Variants in TSHZ2 observed in about 807,000 individuals in gnomAD.
TSHZ2 encodes teashirt homolog 2.
TSHZ2 carries 21 observed loss-of-function variants against 74.4 expected under a neutral mutation model. The observed-to-expected ratio is 0.28, with a 90% CI of 0.20 to 0.41. The LOEUF (loss-of-function observed/expected upper bound fraction) is 0.41. Ranked by LOEUF, TSHZ2 falls within the 10% of genes least tolerant of loss-of-function variation. TSHZ2 has a pLI of 1.00. For missense variants in TSHZ2, 1,244 were observed against 1,293.5 expected (o/e 0.96, Z 0.59); for synonymous variants, 540 against 515.3 (o/e 1.05, Z -0.65).
chr20:53,194,110 C>T (rs1988803554), intron 1 of TSHZ2, among the ~76,000 whole-genome samples: 1 of 152,182 alleles, frequency 6.6e-6, no homozygotes, highest in Non-Finnish European at 1.5e-5. Flanking sequence ...TGATGTCCAT[C>T]ATCTCTAGTG....
At chr20:53,478,944 C>T (rs904857701) in intron 2 of TSHZ2, among the ~76,000 whole-genome samples, 1 of 152,050 alleles carries the variant, frequency 6.6e-6, no homozygotes, top group Non-Finnish European at 1.5e-5. Context: ...GTGGGTGGAT[C>T]ACTTCGGATC....
chr20:53,378,139 A>G (rs1981727823), intron 2 of TSHZ2, among the ~76,000 whole-genome samples: 1 of 152,148 alleles, frequency 6.6e-6, no homozygotes, highest in South Asian at 2.1e-4. Context: ...CAGGAGTTCA[A>G]TACCAGCCTG....
At chr20:53,012,325 C>T (rs6022207) in intron 1 of TSHZ2, among the ~76,000 whole-genome samples, 16,886 of 152,142 alleles carry the variant, frequency 0.11, 1,159 homozygotes, top group African/African-American at 0.2. Context: ...TCGGCCTTCT[C>T]TGGTCCCTTA....
At chr20:52,976,676 G>A (rs974967765) in intron 1 of TSHZ2, among the ~76,000 whole-genome samples, 9 of 152,164 alleles carry the variant, frequency 5.9e-5, no homozygotes, top group Non-Finnish European at 1.0e-4. Flanking sequence ...CTCTGTGCGC[G>A]CACATAAATA....
chr20:53,254,458 G>T lies in TSHZ2; in HGVS notation c.1000G>T (p.Asp334Tyr), dbSNP rs376802086. The change falls in exon 2 of 3, where the codon GAT becomes TAT. Residue 334 changes from aspartate to tyrosine, a missense_variant. Coordinates refer to ENST00000371497, the MANE Select transcript of TSHZ2 (RefSeq NM_173485.6). ...VFDVNRPCSP[D>Y]STTGSFADSF... ...TGATGTCAATCGGCCGTGTTCCCCC[G>T]ATTCAACCACAGGATCTTTTGCAGA... The T allele has an allele frequency of 1.2e-6, 2 of 1,613,792 alleles. No homozygotes were observed. Among genetic ancestry groups the T allele is most frequent in the Admixed American group, 1.7e-5 (1 of 60,022 alleles).
At chr20:53,189,474 G>A (rs1363383369) in intron 1 of TSHZ2, among the ~76,000 whole-genome samples, 1 of 152,072 alleles carries the variant, frequency 6.6e-6, no homozygotes, top group African/African-American at 2.4e-5. Context: ...CATTAATAAT[G>A]GTACCTCACA....
At chr20:53,439,161 A>G (rs908390138) in intron 2 of TSHZ2, among the ~76,000 whole-genome samples, 3 of 152,156 alleles carry the variant, frequency 2.0e-5, no homozygotes, top group African/African-American at 7.2e-5. Flanking sequence ...GACTTTGCAC[A>G]TGTCTTCCTC....
At chr20:52,980,469 T>C (rs1465514633) in intron 1 of TSHZ2, among the ~76,000 whole-genome samples, 8 of 152,018 alleles carry the variant, frequency 5.3e-5, no homozygotes, top group Non-Finnish European at 1.2e-4. Context: ...TCTGTTAGTA[T>C]AAAAATTAAG....
rs201918886 is a variant in TSHZ2, at chr20:53,140,766, T to C, written c.41-112733T>C. On this transcript the variant is annotated intron_variant, in intron 1 of 2. Transcript: ENST00000371497. ...CACTCCTCAGGCTTCCCAGACCTTC[T>C]GCCGTTGGTGGTTCTGATCTGTGCA... is the stretch of plus-strand genomic sequence containing the variant. 3.9e-5 allele frequency among the ~76,000 whole-genome samples: 6 copies of C among 152,242 alleles called. No homozygotes were observed. In the East Asian group the frequency reaches 5.8e-4, roughly 15 times the overall value.
At chr20:53,214,095 A>G (rs1458550550) in intron 1 of TSHZ2, among the ~76,000 whole-genome samples, 2 of 152,244 alleles carry the variant, frequency 1.3e-5, no homozygotes, top group African/African-American at 2.4e-5. Flanking sequence ...GTAAAGTGAC[A>G]TATGGTAAGT....
intron 1 of TSHZ2, among the ~76,000 whole-genome samples, chr20:53,046,889 A>C (rs1333194236): frequency 6.6e-6 from 1 of 152,202 alleles, no homozygotes; most frequent in Non-Finnish European, 1.5e-5. Flanking sequence ...ATGAGCCCTT[A>C]ATGCATGTTA....
chr20:53,254,019 G>T lies in TSHZ2; in HGVS notation c.561G>T (p.Ser187=), dbSNP rs762900952. The T allele has an allele frequency of 6.2e-7, 1 of 1,613,978 alleles. No individual in the cohort carries two copies. The highest frequency in any genetic ancestry group is 8.5e-7 in the Non-Finnish European group (1 of 1,180,018). Residue 187 remains serine, a synonymous_variant, in exon 2 of 3, where the codon TCG becomes TCT. Coordinates refer to ENST00000371497, the MANE Select transcript of TSHZ2 (RefSeq NM_173485.6). The part of the protein sequence containing the change: ...LQQNLPSRSV[S]KPSLFSSVQL... ...AGAACTTGCCTTCTCGGTCCGTCTC[G>T]AAACCCAGCCTGTTCAGCTCGGTGC...
chr20:53,063,279 T>G (rs548679440), intron 1 of TSHZ2, among the ~76,000 whole-genome samples: 4 of 152,276 alleles, frequency 2.6e-5, no homozygotes, highest in East Asian at 3.9e-4. Context: ...CACAATAAAA[T>G]GAAGCACATT....
intron 2 of TSHZ2, among the ~76,000 whole-genome samples, chr20:53,296,036 A>C (rs1273596125): frequency 4.5e-5 from 4 of 88,054 alleles, no homozygotes; most frequent in African/African-American, 1.4e-4. Context: ...TAATGACTGC[A>C]AAAAAAAAAA....
chr20:53,031,016 A>T lies in TSHZ2; in HGVS notation c.40+57683A>T, dbSNP rs185407826. On this transcript the variant is annotated intron_variant, in intron 1 of 2. Coordinates refer to ENST00000371497, the MANE Select transcript of TSHZ2 (RefSeq NM_173485.6). ...CTGAATGTGGGCTTTATTTTTTTTAAAATTTCTTTCTATTCTAAACAACAC... is the reference window on the plus strand; with the variant it reads ...CTGAATGTGGGCTTTATTTTTTTTATAATTTCTTTCTATTCTAAACAACAC... Among the ~76,000 whole-genome samples, 1,341 of 151,866 alleles carry T rather than the reference A, an allele frequency of 8.8e-3. 15 individuals are homozygous for T. Among genetic ancestry groups the T allele is most frequent in the African/African-American group, 0.031 (1,288 of 41,420 alleles).
intron 2 of TSHZ2, among the ~76,000 whole-genome samples, chr20:53,281,682 A>T (rs2145437402): frequency 6.6e-6 from 1 of 152,288 alleles, no homozygotes; most frequent in African/African-American, 2.4e-5. Context: ...AACCTATTGA[A>T]TCCCTGGTTT....
chr20:53,070,012 G>C (rs950631906), intron 1 of TSHZ2, among the ~76,000 whole-genome samples: 1 of 152,082 alleles, frequency 6.6e-6, no homozygotes, highest in Admixed American at 6.5e-5. Context: ...GCCAGGGAGG[G>C]GAGAAGGGAA....
intron 1 of TSHZ2, among the ~76,000 whole-genome samples, chr20:53,027,273 T>G (rs905073226): frequency 3.3e-5 from 5 of 152,230 alleles, no homozygotes; most frequent in Non-Finnish European, 7.3e-5. Context: ...TACATGCATA[T>G]GTACAGTTCA....
rs554331293 is a variant in TSHZ2 at position 53,000,748 on chromosome 20, C to T, written c.40+27415C>T. On this transcript the variant is annotated intron_variant, in intron 1 of 2. Coordinates refer to ENST00000371497, the MANE Select transcript of TSHZ2 (RefSeq NM_173485.6). ...GAGATGAGATGACGGAAGCTTTTTG[C>T]ATTTTTAATATTCTGTGATTCTCAG... Among the ~76,000 whole-genome samples the T allele has an allele frequency of 5.9e-5, 9 of 152,238 alleles. No individual in the cohort carries two copies. The South Asian group carries it at 1.7e-3, about 28-fold the overall frequency.
Sources: gnomAD v4.1 joint callset for allele counts (sites outside exome capture counted in the v4.1 genomes callset) on GRCh38, gnomAD v4.1.1 for gene constraint, MANE v1.5 for transcripts, NCBI Gene and HGNC (gene_info 2026-07-23, HGNC 2026-07-21) for gene names.